Variants in USH2A observed in about 807,000 individuals in gnomAD.
The protein encoded by USH2A is Usher syndrome 2A (autosomal recessive, mild).
A neutral mutation model predicts 538.9 loss-of-function variants in USH2A; 443 were observed. The ratio of observed to expected loss-of-function variants is 0.82; its 90% confidence interval spans 0.76 to 0.89. USH2A has a LOEUF of 0.89. Ranked by LOEUF, USH2A falls within the 40% of genes least tolerant of loss-of-function variation. USH2A has a pLI of 0.00. For missense variants in USH2A, 6,633 were observed against 6,324.8 expected, an observed-to-expected ratio of 1.05 and a Z score of -1.65; for synonymous variants, 2,413 against 2,273.5, an observed-to-expected ratio of 1.06 and a Z score of -1.75.
chr1:215,846,188 G>C (rs886622998), intron 44 of USH2A, among the ~76,000 whole-genome samples, 155 bp from the exon 45 acceptor site: 1 of 152,016 alleles, frequency 6.6e-6, no homozygotes, highest in African/African-American at 2.4e-5. Flanking sequence ...CTCCTTTTTG[G>C]TGGTGCTGGT....
At chr1:216,065,160 C>T (rs1324674152) in intron 30 of USH2A, among the ~76,000 whole-genome samples, 1 of 152,162 alleles carries the variant, frequency 6.6e-6, no homozygotes, top group Non-Finnish European at 1.5e-5. Context: ...TTTTGAGTAA[C>T]ATCCAGTACT....
intron 27 of USH2A, among the ~76,000 whole-genome samples, chr1:216,075,555 C>T (rs2031717101): frequency 6.6e-6 from 1 of 152,172 alleles, no homozygotes; most frequent in Non-Finnish European, 1.5e-5. Flanking sequence ...ATTAGCCCTT[C>T]CTCTAGGGAA....
intron 25 of USH2A, among the ~76,000 whole-genome samples, chr1:216,083,891 G>T (rs1174057004): frequency 6.6e-6 from 1 of 152,070 alleles, no homozygotes. Flanking sequence ...TAAGTAGTTT[G>T]CATTGACTAA....
chr1:215,796,525 C>T (rs1045028972), intron 50 of USH2A, among the ~76,000 whole-genome samples: 2 of 151,900 alleles, frequency 1.3e-5, no homozygotes, highest in East Asian at 1.9e-4. Context: ...CCATATAAGA[C>T]GGAAAGCTTA....
At chr1:216,126,882 A>G (rs2102599205) in intron 21 of USH2A, among the ~76,000 whole-genome samples, 1 of 152,344 alleles carries the variant, frequency 6.6e-6, no homozygotes, top group East Asian at 1.9e-4. Context: ...AGAAATATGG[A>G]AAATGCTATT....
At chr1:216,146,102 C>T (rs1256780458) in intron 21 of USH2A, among the ~76,000 whole-genome samples, 1 of 152,182 alleles carries the variant, frequency 6.6e-6, no homozygotes, top group East Asian at 1.9e-4. Context: ...AGATCAATCC[C>T]CTGTCCTCCT....
rs1419904063 is a variant in USH2A, at chr1:215,759,827, A to T, written c.11064T>A (p.Pro3688=). 6.2e-7 allele frequency: 1 copy of T among 1,614,004 alleles called. No individual in the cohort carries two copies. Among genetic ancestry groups the T allele is most frequent in the Middle Eastern group, 1.6e-4 (1 of 6,062 alleles). The change falls in exon 57 of 72, where the codon CCT becomes CCA. Residue 3688 remains proline (P), a synonymous_variant. Transcript: ENST00000307340. ...TTGTAGAATTGATGATAATGTGTCG[A>T]GGTGTCACCCAAACTCCTGGCAAGA... The part of the protein sequence containing the change: ...QAAPEGVWVT[P]RHIIINSTTV...
rs758299314 is a variant in USH2A, at chr1:215,766,768, A to G, written c.10960T>C (p.Tyr3654His). ...GTACAAGCTGTAAGAGTGAAGCTGT[A>G]GTTGGTGTATGGCTGGAGACCTAGA... is the stretch of plus-strand genomic sequence containing the variant. Reference protein sequence around the residue: ...TVTGLQPYTNYSFTLTACTSA... With the variant: ...TVTGLQPYTNHSFTLTACTSA... Residue 3654 changes from tyrosine to histidine, a missense_variant, in exon 56 of 72, where the codon TAC becomes CAC. Physicochemically the swap from Tyr to His is moderately conservative, Grantham distance 83 (BLOSUM62 2). Transcript: ENST00000307340. The G allele has an allele frequency of 1.5e-5, 24 of 1,613,518 alleles. No individual in the cohort carries two copies. The highest frequency in any genetic ancestry group is 4.0e-5 in the African/African-American group (3 of 74,914).
chr1:215,864,567 G>A (rs181964140), intron 44 of USH2A, among the ~76,000 whole-genome samples: 1 of 152,002 alleles, frequency 6.6e-6, no homozygotes, highest in Non-Finnish European at 1.5e-5. Flanking sequence ...CAGAAATGTG[G>A]GTATTGTTTC....
chr1:215,845,873 T>G lies in USH2A; in HGVS notation c.9006A>C (p.Gly3002=), dbSNP rs1663828830. 1 of 1,613,776 alleles carries G rather than the reference T, an allele frequency of 6.2e-7. No individual in the cohort carries two copies. Among genetic ancestry groups the G allele is most frequent in the Admixed American group, 1.7e-5 (1 of 59,888 alleles). ...GTCCTGCACTGTTGATGCTGTGGAC[T>G]CCATTGAAGACAGAGATAAAGATCC... is the stretch of plus-strand genomic sequence containing the variant. ...EYWIFISVFN[G]VHSINSAGLH... is the part of the protein sequence containing the mutation. Residue 3002 remains glycine, a synonymous_variant, in exon 45 of 72, where the codon GGA becomes GGC. Coordinates refer to ENST00000307340, the MANE Select transcript of USH2A (RefSeq NM_206933.4).
At chr1:215,747,256 T>C (rs1055174226) in intron 58 of USH2A, among the ~76,000 whole-genome samples, 1 of 152,146 alleles carries the variant, frequency 6.6e-6, no homozygotes, top group African/African-American at 2.4e-5. Flanking sequence ...TTCCACTTTG[T>C]TTCAGGTAAT....
intron 4 of USH2A, among the ~76,000 whole-genome samples, chr1:216,334,775 T>C (rs1020080249): frequency 6.6e-5 from 10 of 151,876 alleles, no homozygotes; most frequent in African/African-American, 2.4e-4. Context: ...AAAACAATTA[T>C]AATCATGTAT....
chr1:215,743,386 A>ATGTGTG lies in USH2A; in HGVS notation c.11390-57_11390-52dup, dbSNP rs61304768. 80 of 328,502 alleles carry ATGTGTG rather than the reference A, an allele frequency of 2.4e-4. 2 individuals carry two copies. The highest frequency in any genetic ancestry group is 9.5e-4 in the East Asian group (13 of 13,662). 20.3% of individuals were successfully genotyped at this position (328,502 alleles called of 1,614,324 possible). A position where few individuals can be genotyped will look rare whatever the true frequency, so the allele number is the denominator to read the frequency against. On this transcript the variant is annotated intron_variant, in intron 58 of 71. Transcript: ENST00000307340. The stretch of plus-strand genomic sequence containing the variant: ...ACATTAAAAACATATATATATATAT[A>ATGTGTG]TGTGTGTGTGTGTGTGTGTGTGTGT...
intron 9 of USH2A, among the ~76,000 whole-genome samples, chr1:216,296,939 T>C (rs1996043): frequency 0.6 from 90,876 of 151,562 alleles, 28,598 homozygotes; most frequent in East Asian, 0.79. Flanking sequence ...GTTTCCTAAC[T>C]GCAAAAAGGC....
intron 21 of USH2A, among the ~76,000 whole-genome samples, chr1:216,173,174 A>G (rs1465984666): frequency 6.6e-6 from 1 of 152,138 alleles, no homozygotes; most frequent in African/African-American, 2.4e-5. Context: ...AAAGTTATTG[A>G]GTTGGTTTTG....
Position 215,900,157 on chromosome 1 carries a change from T to G in USH2A, c.7512A>C (p.Thr2504=). The stretch of plus-strand genomic sequence containing the variant: ...AGGCAACCAACCGAAACATATACTC[T>G]GTGTACGGTTGGAGATCACTCACTT... The part of the protein sequence containing the change: ...SYEVSDLQPY[T]EYMFRLVASN... Residue 2504 remains threonine, a synonymous_variant, in exon 40 of 72, where the codon ACA becomes ACC. Coordinates refer to ENST00000307340, the MANE Select transcript of USH2A (RefSeq NM_206933.4). 1.2e-6 allele frequency: 2 copies of G among 1,613,668 alleles called. No individual in the cohort carries two copies. The highest frequency in any genetic ancestry group is 1.7e-6 in the Non-Finnish European group (2 of 1,179,728).
intron 32 of USH2A, among the ~76,000 whole-genome samples, chr1:216,022,152 C>T (rs140225015): frequency 6.6e-6 from 1 of 152,278 alleles, no homozygotes; most frequent in East Asian, 1.9e-4. Flanking sequence ...TCCTGTACAG[C>T]CTCCAGAACC....
rs2032221850 is a variant in USH2A at position 216,089,079 on chromosome 1, A to G, written c.4819T>C (p.Trp1607Arg). The G allele has an allele frequency of 6.2e-6, 10 of 1,613,478 alleles. No individual in the cohort carries two copies. The highest frequency in any genetic ancestry group is 8.5e-6 in the Non-Finnish European group (10 of 1,179,602). The stretch of plus-strand genomic sequence containing the variant: ...TGCCTAATAGCAATTATTTCATGCC[A>G]TTTTCCATCACTATATTGTTTGCCA... ...DHGKQYSDGK[W>R]HEIIAIRHQA... is the part of the protein sequence containing the mutation. The change falls in exon 23 of 72, where the codon TGG (tryptophan) becomes CGG (arginine). Residue 1607 changes from tryptophan (W) to arginine (R), a missense_variant. Coordinates refer to ENST00000307340, the MANE Select transcript of USH2A (RefSeq NM_206933.4).
At chr1:216,260,612 A>G (rs950413897) in intron 11 of USH2A, among the ~76,000 whole-genome samples, 25 of 152,190 alleles carry the variant, frequency 1.6e-4, no homozygotes, top group Admixed American at 1.6e-3. Context: ...GTTGAGAATC[A>G]TGAATTAGAG....
Sources: allele counts gnomAD v4.1 joint callset (sites outside exome capture counted in the v4.1 genomes callset), GRCh38; gene constraint gnomAD v4.1.1; transcripts MANE v1.5; gene names NCBI Gene and HGNC (gene_info 2026-07-23, HGNC 2026-07-21).